NAV3: variants seen among roughly 807,000 people sequenced by gnomAD.
NAV3 encodes neuron navigator 3, also known as pore membrane and/or filament interacting like protein 1.
Under a neutral mutation model 244.7 loss-of-function variants are expected in NAV3, and 87 were observed. The observed-to-expected ratio is 0.36, with a 90% CI of 0.30 to 0.42. The LOEUF (loss-of-function observed/expected upper bound fraction) is 0.42. Ranked by LOEUF, NAV3 falls within the 20% of genes least tolerant of loss-of-function variation. The probability of loss-of-function intolerance (pLI) is 1.00; values close to 1 mark genes in which losing one functional copy is unlikely to be tolerated. For synonymous variants in NAV3, 1,126 were observed against 1,042.2 expected, an observed-to-expected ratio of 1.08 and a Z score of -1.55; for missense variants, 2,663 against 2,893.3, an observed-to-expected ratio of 0.92 and a Z score of 1.83.
intron 2 of NAV3, among the ~76,000 whole-genome samples, chr12:77,767,160 T>C (rs1436403362): frequency 6.6e-6 from 1 of 152,204 alleles, no homozygotes; most frequent in Non-Finnish European, 1.5e-5. Flanking sequence ...TTTTGTATCC[T>C]TATTTAAGTT....
intron 2 of NAV3, among the ~76,000 whole-genome samples, chr12:77,790,025 C>G (rs375944960): frequency 6.6e-6 from 1 of 152,182 alleles, no homozygotes; most frequent in African/African-American, 2.4e-5. Context: ...ACCCAGTAAC[C>G]TTTTGAGACG....
At chr12:77,969,078 G>T (rs1892766004) in intron 5 of NAV3, among the ~76,000 whole-genome samples, 1 of 151,886 alleles carries the variant, frequency 6.6e-6, no homozygotes, top group Non-Finnish European at 1.5e-5. Context: ...GATTAATTAA[G>T]TCTGTCAGAA....
intron 8 of NAV3, among the ~76,000 whole-genome samples, chr12:78,017,397 C>T (rs190896876): frequency 8.5e-5 from 13 of 152,142 alleles, no homozygotes; most frequent in Admixed American, 6.6e-4. Flanking sequence ...TGCTTTAGTG[C>T]GCTCCAGCCG....
At chr12:77,855,502 A>T (rs1291410329) in intron 1 of NAV3, among the ~76,000 whole-genome samples, 1 of 152,216 alleles carries the variant, frequency 6.6e-6, no homozygotes, top group African/African-American at 2.4e-5. Context: ...ATTGTGATAT[A>T]TTATAAGAAT....
intron 2 of NAV3, among the ~76,000 whole-genome samples, chr12:77,701,755 G>A (rs1875573249): frequency 6.6e-6 from 1 of 151,804 alleles, no homozygotes; most frequent in Non-Finnish European, 1.5e-5. Context: ...TGTTTTAGTA[G>A]CATGTTCATT....
intron 2 of NAV3, among the ~76,000 whole-genome samples, chr12:77,727,072 T>C (rs912699375): frequency 9.2e-5 from 14 of 151,758 alleles, no homozygotes; most frequent in Admixed American, 8.5e-4. Flanking sequence ...CATGAGGAGG[T>C]GGGGACCATA....
intron 8 of NAV3, among the ~76,000 whole-genome samples, chr12:78,012,663 G>A (rs999318994): frequency 7.9e-5 from 12 of 151,940 alleles, no homozygotes; most frequent in Non-Finnish European, 1.6e-4. Context: ...ATCACTGCAG[G>A]CCTGTCTTGT....
intron 29 of NAV3, among the ~76,000 whole-genome samples, chr12:78,180,161 A>T (rs1214149546): frequency 6.6e-6 from 1 of 152,124 alleles, no homozygotes; most frequent in Non-Finnish European, 1.5e-5. Context: ...CTGTAAAAGT[A>T]AGGCTTGTGT....
chr12:78,108,877 A>C (rs549919117), intron 12 of NAV3, among the ~76,000 whole-genome samples: 16 of 152,080 alleles, frequency 1.1e-4, no homozygotes, highest in Admixed American at 2.6e-4. Context: ...AAAATTAGCA[A>C]CCTAACAATG....
At chr12:77,767,943 G>A (rs1225294966) in intron 2 of NAV3, among the ~76,000 whole-genome samples, 2 of 152,340 alleles carry the variant, frequency 1.3e-5, no homozygotes, top group Admixed American at 6.5e-5. Flanking sequence ...GAAGAACAAG[G>A]TATGCAGACA....
chr12:77,622,534 AT>A (rs529338324), intron 2 of NAV3, among the ~76,000 whole-genome samples: 1,641 of 90,682 alleles, frequency 0.018, 14 homozygotes, highest in African/African-American at 0.029. Context: ...ATCCATATGG[AT>A]TTTTTTTTTT....
chr12:77,753,871 T>A (rs1283405197), intron 2 of NAV3, among the ~76,000 whole-genome samples: 1 of 152,188 alleles, frequency 6.6e-6, no homozygotes, highest in African/African-American at 2.4e-5. Context: ...AAATATTGAA[T>A]GAAAGATGTT....
rs1869335543 is a variant in NAV3, at chr12:77,759,066, T to TG, written c.73-181251dup. 1.3e-5 allele frequency among the ~76,000 whole-genome samples: 2 copies of TG among 152,238 alleles called. 1 individual carries two copies. The highest frequency in any genetic ancestry group is 4.1e-4 in the South Asian group (2 of 4,836). Reference sequence around the variant, plus strand: ...CGTTTGTGGCTAGCAGCTGCCACATTGGACAGCACAGTCCCACTGCACCCT... The same window carrying TG: ...CGTTTGTGGCTAGCAGCTGCCACATTGGGACAGCACAGTCCCACTGCACCCT... On this transcript the variant is annotated intron_variant, in intron 2 of 8. Transcript: ENST00000550042.
At position 78,181,121 on chromosome 12, in the gene NAV3, A is replaced by G. The variant is rs558910283; in HGVS notation, c.5692+76A>G. ...GGGTGGGAAGCCTGGAATTTGGAGA[A>G]CTTTACGTACTCTTAAAAATGTTAC... On this transcript the variant is annotated intron_variant, in intron 30 of 39. Transcript: ENST00000397909. 8.4e-6 allele frequency: 11 copies of G among 1,310,976 alleles called. No individual in the cohort carries two copies. In the African/African-American group the frequency reaches 1.5e-4, roughly 18 times the overall value. 81.2% of individuals were successfully genotyped at this position (1,310,976 alleles called of 1,614,324 possible). A position where few individuals can be genotyped will look rare whatever the true frequency, so the allele number is the denominator to read the frequency against.
At chr12:78,150,804 T>C (rs1957054014) in intron 22 of NAV3, among the ~76,000 whole-genome samples, 1 of 151,988 alleles carries the variant, frequency 6.6e-6, no homozygotes, top group South Asian at 2.1e-4. Context: ...TCTGCTCTAA[T>C]TATGCTTGTC....
intron 7 of NAV3, among the ~76,000 whole-genome samples, chr12:78,003,848 A>G (rs1873746230): frequency 6.6e-6 from 1 of 152,224 alleles, no homozygotes; most frequent in Non-Finnish European, 1.5e-5. Context: ...AACTCAGAGG[A>G]ACAGGTGCAA....
chr12:77,932,778 G>A (rs1440031561), intron 1 of NAV3, among the ~76,000 whole-genome samples: 1 of 152,076 alleles, frequency 6.6e-6, no homozygotes, highest in Admixed American at 6.5e-5. Flanking sequence ...CTTAGCTTCA[G>A]ATATTATTGC....
chr12:77,665,787 C>A lies in NAV3; in HGVS notation c.72+93521C>A, dbSNP rs568392481. ...TTACTCAAAGAGGGCACACTGTGAT[C>A]CCTGTCAGTCTCTCTGAATTTATAG... On this transcript the variant is annotated intron_variant, in intron 2 of 8. Transcript: ENST00000550042. Among the ~76,000 whole-genome samples the A allele has an allele frequency of 1.5e-4, 23 of 152,252 alleles. No homozygotes were observed. In the South Asian group the frequency reaches 4.8e-3, roughly 32 times the overall value.
At chr12:78,114,376 A>G (rs1955261680) in intron 12 of NAV3, among the ~76,000 whole-genome samples, 1 of 152,178 alleles carries the variant, frequency 6.6e-6, no homozygotes, top group South Asian at 2.1e-4. Context: ...TCATGCTGAT[A>G]ATAAAGACAT....
Sources: gnomAD v4.1 joint callset for allele counts (sites outside exome capture counted in the v4.1 genomes callset) on GRCh38, gnomAD v4.1.1 for gene constraint, MANE v1.5 for transcripts, NCBI Gene and HGNC (gene_info 2026-07-23, HGNC 2026-07-21) for gene names.